The following RNF34 variants were observed in gnomAD, a reference collection of about 807,000 sequenced individuals.
The protein encoded by RNF34 is E3 ubiquitin-protein ligase RNF34.
In RNF34, 12 loss-of-function variants were observed where a neutral mutation model predicts 37.9. The observed-to-expected ratio is 0.32, with a 90% confidence interval of 0.20 to 0.51. The LOEUF is 0.51. RNF34 is among the 20% of genes least tolerant of loss of function. RNF34 has a pLI of 0.97. For synonymous variants in RNF34, 155 were observed against 177.2 expected (o/e 0.87, Z 1.00); for missense variants, 362 against 472.7 (o/e 0.77, Z 2.17).
At chr12:121,400,336 C>G (rs1428698618) in intron 1 of RNF34, 118 bp downstream of exon 1, 2 of 1,243,830 alleles carry the variant, frequency 1.6e-6, no homozygotes, top group African/African-American at 3.1e-5. Flanking sequence ...CGGAGAGCTG[C>G]GCTGAGGGGG....
At position 121,413,415 on chromosome 12, in the gene RNF34, C is replaced by CTTTTTTTTTTTT. The variant is rs573738844; in HGVS notation, c.7-2741_7-2730dup. 2.7e-3 allele frequency among the ~76,000 whole-genome samples: 352 copies of CTTTTTTTTTTTT among 130,458 alleles called. 6 individuals are homozygous for CTTTTTTTTTTTT. The highest frequency in any genetic ancestry group is 7.5e-3 in the African/African-American group (232 of 31,044). 85.6% of individuals were successfully genotyped at this position (130,458 alleles called of 152,430 possible). A position where few individuals can be genotyped will look rare whatever the true frequency, so the allele number is the denominator to read the frequency against. On this transcript the variant is annotated intron_variant, in intron 1 of 5. Coordinates refer to ENST00000361234, the MANE Select transcript of RNF34 (RefSeq NM_025126.4). Reference sequence around the variant, plus strand: ...ATGGACTGTTATAATTTTACCTGTCCTTTTTTTTTTTTTTGAGACGGAGTT... The same window carrying CTTTTTTTTTTTT: ...ATGGACTGTTATAATTTTACCTGTCCTTTTTTTTTTTTTTTTTTTTTTTTTTGAGACGGAGTT...
chr12:121,420,094 T>G, intron 3 of RNF34, 148 bp from the exon 4 acceptor site: 1 of 648,994 alleles, frequency 1.5e-6, no homozygotes, highest in Non-Finnish European at 2.6e-6. Context: ...AGGGCCCAAC[T>G]TTTTGGAAGG....
At chr12:121,420,472 G>A in intron 4 of RNF34, 105 bp from the exon 5 acceptor site, 1 of 1,568,094 alleles carries the variant, frequency 6.4e-7, no homozygotes, top group Non-Finnish European at 8.7e-7. Flanking sequence ...AACACTTCTA[G>A]GACTGCTGAG....
chr12:121,402,896 T>G (rs1343755274), intron 1 of RNF34: 3 of 1,015,106 alleles, frequency 3.0e-6, no homozygotes, highest in Non-Finnish European at 4.6e-6. Flanking sequence ...TTAGAGTTCA[T>G]CATCTGTTTT....
At chr12:121,413,182 C>T (rs540130898) in intron 1 of RNF34, among the ~76,000 whole-genome samples, 15 of 150,648 alleles carry the variant, frequency 1.0e-4, no homozygotes, top group African/African-American at 2.7e-4. Flanking sequence ...TCTGCCAATA[C>T]GCCCAGCTAA....
intron 3 of RNF34, among the ~76,000 whole-genome samples, chr12:121,418,935 G>T (rs1871834478): frequency 6.6e-6 from 1 of 152,150 alleles, no homozygotes; most frequent in South Asian, 2.1e-4. Flanking sequence ...TCGAATACCT[G>T]ACCTCAGGTT....
Position 121,416,244 on chromosome 12 carries a change from C to T in RNF34, c.92C>T (p.Ala31Val), listed in dbSNP as rs782546188. The T allele has an allele frequency of 1.2e-6, 2 of 1,614,114 alleles. No individual in the cohort carries two copies. The stretch of plus-strand genomic sequence containing the variant: ...GGAGCTGTCAGGGGCCAGCAGTCAG[C>T]ATTTGCAGGAGCCACCGGTCCATTC... ...GTGAVRGQQS[A>V]FAGATGPFRF... Residue 31 changes from alanine (A) to valine (V), a missense_variant, in exon 2 of 6, where the codon GCA (alanine) becomes GTA (valine). Coordinates refer to ENST00000361234, the MANE Select transcript of RNF34 (RefSeq NM_025126.4).
intron 1 of RNF34, among the ~76,000 whole-genome samples, chr12:121,404,162 A>G (rs922053376): frequency 6.9e-6 from 1 of 144,000 alleles, no homozygotes; most frequent in South Asian, 2.2e-4. Context: ...TGCCCGGCTA[A>G]TTTTTTTTTT....
rs868976950 is a variant in RNF34 at position 121,416,210 on chromosome 12, A to G, written c.58A>G (p.Met20Val). 3 of 1,614,082 alleles carry G rather than the reference A, an allele frequency of 1.9e-6. No homozygotes were observed. Among genetic ancestry groups the G allele is most frequent in the Middle Eastern group, 3.3e-4 (2 of 6,062 alleles). Residue 20 changes from methionine to valine, a missense_variant, in exon 2 of 6, where the codon ATG becomes GTG. Physicochemically the swap from Met to Val is conservative, Grantham distance 21. Coordinates refer to ENST00000361234, the MANE Select transcript of RNF34 (RefSeq NM_025126.4). ...GTGCTGTGGGCTGCTGAATGAAGTC[A>G]TGGGAACTGGAGCTGTCAGGGGCCA... ...ASCCGLLNEV[M>V]GTGAVRGQQS...
At chr12:121,413,772 T>A (rs1361889801) in intron 1 of RNF34, among the ~76,000 whole-genome samples, 1 of 151,934 alleles carries the variant, frequency 6.6e-6, no homozygotes, top group East Asian at 1.9e-4. Context: ...GAGACAGGTT[T>A]CACCGTGTTG....
chr12:121,405,642 C>T (rs897746434), intron 1 of RNF34, among the ~76,000 whole-genome samples: 1 of 151,942 alleles, frequency 6.6e-6, no homozygotes, highest in Non-Finnish European at 1.5e-5. Context: ...CACCACCATA[C>T]CTGGCTAATT....
intron 1 of RNF34, among the ~76,000 whole-genome samples, chr12:121,407,433 TG>T (rs561190929): frequency 2.6e-5 from 4 of 152,050 alleles, no homozygotes; most frequent in Non-Finnish European, 5.9e-5. Context: ...AAGCCAGAGG[TG>T]GGGGTATGCC....
At position 121,417,410 on chromosome 12, in the gene RNF34, A is replaced by T; in HGVS notation, c.226-94A>T. 9.1e-7 allele frequency: 1 copy of T among 1,093,188 alleles called. No homozygotes were observed. Among genetic ancestry groups the T allele is most frequent in the Non-Finnish European group, 1.3e-6 (1 of 762,668 alleles). 67.7% of individuals were successfully genotyped at this position (1,093,188 alleles called of 1,614,324 possible). On this transcript the variant is annotated intron_variant, in intron 2 of 5. Transcript: ENST00000361234. The surrounding 1 kb of genome is among the most constrained non-coding windows in gnomAD (Gnocchi z 5.0). Reference sequence around the variant, plus strand: ...TGGTGCCACTGGGGACTTCACTAAGAACTAAAATTAAATTTTAGTAGAAGG... The same window carrying T: ...TGGTGCCACTGGGGACTTCACTAAGTACTAAAATTAAATTTTAGTAGAAGG...
rs782051620 is a variant in RNF34, at chr12:121,423,421, G to A, written c.964G>A (p.Asp322Asn). 1.5e-5 allele frequency: 24 copies of A among 1,611,454 alleles called. No individual in the cohort carries two copies. The highest frequency in any genetic ancestry group is 2.2e-5 in the South Asian group (2 of 90,724). ...ERLQLQDEED[D>N]SLCRICMDAV... ...GCTGCAGCTGCAGGATGAGGAAGACGACAGCCTGTGTCGCATCTGCATGGA... is the reference window on the plus strand; with the variant it reads ...GCTGCAGCTGCAGGATGAGGAAGACAACAGCCTGTGTCGCATCTGCATGGA... Residue 322 changes from aspartate (D) to asparagine (N), a missense_variant, in exon 6 of 6, where the codon GAC becomes AAC. Transcript: ENST00000361234. This position sits in a 1 kb window ranked among gnomAD's most constrained non-coding sequence, Gnocchi z 4.3.
At chr12:121,419,483 A>G (rs1871902085) in intron 3 of RNF34, among the ~76,000 whole-genome samples, 1 of 152,244 alleles carries the variant, frequency 6.6e-6, no homozygotes, top group Non-Finnish European at 1.5e-5. Flanking sequence ...TGCTGCAAAC[A>G]TAAGGCACAG....
At chr12:121,418,215 A>G (rs1871758529) in intron 3 of RNF34, 1 of 332,108 alleles carries the variant, frequency 3.0e-6, no homozygotes, top group Non-Finnish European at 5.6e-6. Context: ...GCTGTGAAAA[A>G]GTAGCACATA....
intron 1 of RNF34, among the ~76,000 whole-genome samples, chr12:121,401,354 CAAAAA>C (rs563285897): frequency 7.8e-5 from 6 of 76,798 alleles, no homozygotes; most frequent in South Asian, 5.3e-4. Flanking sequence ...CTATAGGTAT[CAAAAA>C]AAAAAAAAAA....
At chr12:121,404,919 A>G (rs1392744303) in intron 1 of RNF34, 3 of 152,228 alleles carry the variant, frequency 2.0e-5, no homozygotes, top group African/African-American at 7.2e-5. Flanking sequence ...CCATTTGAAA[A>G]TCCTGGCACT....
At chr12:121,419,675 A>C (rs1871932904) in intron 3 of RNF34, among the ~76,000 whole-genome samples, 1 of 152,222 alleles carries the variant, frequency 6.6e-6, no homozygotes, top group Non-Finnish European at 1.5e-5. Flanking sequence ...ACATAACCCA[A>C]ACTGAAGAGA....
Sources: gnomAD v4.1 joint callset for allele counts (sites outside exome capture counted in the v4.1 genomes callset) on GRCh38, gnomAD v4.1.1 for gene constraint, Gnocchi (gnomAD v3.1) non-coding constraint, MANE v1.5 for transcripts, NCBI Gene and HGNC (gene_info 2026-07-23, HGNC 2026-07-21) for gene names.